RAB38: variants seen among roughly 807,000 people sequenced by gnomAD.
The protein encoded by RAB38 is RAB38, member RAS oncogene family.
In RAB38, 15 loss-of-function variants were observed where a neutral mutation model predicts 18.4. The ratio of observed to expected loss-of-function variants is 0.82; its 90% confidence interval spans 0.55 to 1.26. The LOEUF is 1.26. Among genes scored for constraint, RAB38 ranks in the 50% most tolerant of loss-of-function variants. The pLI is 0.00. For synonymous variants in RAB38, 101 were observed against 104.4 expected (o/e 0.97, Z 0.20); for missense variants, 294 against 267.4 (o/e 1.10, Z -0.69).
chr11:87,826,484 A>T, the RAB38 span, among the ~76,000 whole-genome samples: 3 of 152,108 alleles, frequency 2.0e-5, no homozygotes, highest in South Asian at 2.1e-4. Flanking sequence ...ATATTTTTTT[A>T]AAAAATAAAA....
At chr11:87,853,772 A>G in the RAB38 span, among the ~76,000 whole-genome samples, 1 of 152,200 alleles carries the variant, frequency 6.6e-6, no homozygotes, top group Admixed American at 6.5e-5. Context: ...AATCACCATA[A>G]ACTTAATAGT....
chr11:87,943,465 G>A, the RAB38 span, among the ~76,000 whole-genome samples: 1 of 151,998 alleles, frequency 6.6e-6, no homozygotes, highest in Non-Finnish European at 1.5e-5. Flanking sequence ...ATTCAACAAA[G>A]ATACATAGAG....
the RAB38 span, among the ~76,000 whole-genome samples, chr11:87,941,020 T>G: frequency 2.0e-5 from 3 of 151,706 alleles, no homozygotes; most frequent in South Asian, 6.3e-4. Flanking sequence ...AGTACCTGTT[T>G]TGCATGTACC....
chr11:87,834,615 G>A, the RAB38 span, among the ~76,000 whole-genome samples: 12 of 152,166 alleles, frequency 7.9e-5, no homozygotes, highest in African/African-American at 9.7e-5. Flanking sequence ...AATTTGGGGC[G>A]AAATTCAGTT....
At chr11:87,934,692 T>C in the RAB38 span, among the ~76,000 whole-genome samples, 1 of 152,070 alleles carries the variant, frequency 6.6e-6, no homozygotes, top group Non-Finnish European at 1.5e-5. Flanking sequence ...TATAAAAATC[T>C]TGCACTCATG....
the RAB38 span, among the ~76,000 whole-genome samples, chr11:87,847,290 A>G: frequency 1.3e-5 from 2 of 152,142 alleles, no homozygotes; most frequent in African/African-American, 4.8e-5. Flanking sequence ...AATCAACAGT[A>G]TCAGTAATGA....
chr11:87,875,790 C>T, the RAB38 span, among the ~76,000 whole-genome samples: 1 of 151,450 alleles, frequency 6.6e-6, no homozygotes, highest in Non-Finnish European at 1.5e-5. Context: ...TATAGTAGTA[C>T]AGTACAGTTG....
the RAB38 span, among the ~76,000 whole-genome samples, chr11:88,067,132 G>C: frequency 1.3e-5 from 2 of 152,144 alleles, no homozygotes; most frequent in Admixed American, 6.5e-5. Context: ...GCAGCCACTA[G>C]AGAAGAATAT....
the RAB38 span, among the ~76,000 whole-genome samples, chr11:87,861,350 T>C: frequency 1.3e-5 from 2 of 151,944 alleles, no homozygotes. Flanking sequence ...AAGCAGAGCT[T>C]TCAGTGGAAG....
chr11:87,845,264 T>C, the RAB38 span, among the ~76,000 whole-genome samples: 7 of 152,128 alleles, frequency 4.6e-5, no homozygotes, highest in Admixed American at 4.6e-4. Flanking sequence ...ACAGATGGAA[T>C]AGGTCTTTCA....
At chr11:88,104,646 G>A in the RAB38 span, among the ~76,000 whole-genome samples, 1 of 152,088 alleles carries the variant, frequency 6.6e-6, no homozygotes, top group Non-Finnish European at 1.5e-5. Flanking sequence ...TTGGCACAAA[G>A]TGGGCACTAA....
At chr11:87,873,922 G>GTATATATATATATATATGTATATATA in the RAB38 span, among the ~76,000 whole-genome samples, 1 of 103,122 alleles carries the variant, frequency 9.7e-6, no homozygotes, top group Non-Finnish European at 1.9e-5. Context: ...GTGTGTGTGT[G>GTATATATATATATATATGTATATATA]TATATATATA....
At chr11:88,127,650 TAC>T (rs1302049908) in intron 2 of RAB38, among the ~76,000 whole-genome samples, 4 of 152,180 alleles carry the variant, frequency 2.6e-5, no homozygotes, top group Non-Finnish European at 4.4e-5. Flanking sequence ...CAAAATGAAA[TAC>T]ATGTGTTTTC....
At chr11:87,852,753 A>G in the RAB38 span, among the ~76,000 whole-genome samples, 1 of 152,198 alleles carries the variant, frequency 6.6e-6, no homozygotes, top group Non-Finnish European at 1.5e-5. Flanking sequence ...GAGGGCTAAG[A>G]GAACTAGTAT....
chr11:88,151,911 G>C (rs943855755), intron 1 of RAB38, among the ~76,000 whole-genome samples: 59 of 152,250 alleles, frequency 3.9e-4, no homozygotes, highest in African/African-American at 1.4e-3. Flanking sequence ...GCCAGCACAT[G>C]ACAATCTTAC....
chr11:87,833,192 A>G, the RAB38 span, among the ~76,000 whole-genome samples: 1 of 152,162 alleles, frequency 6.6e-6, no homozygotes, highest in Admixed American at 6.6e-5. Context: ...CAAGTTCCTC[A>G]TTCTGACCAC....
the RAB38 span, among the ~76,000 whole-genome samples, chr11:87,888,956 A>G: frequency 6.6e-6 from 1 of 151,956 alleles, no homozygotes; most frequent in Non-Finnish European, 1.5e-5. Flanking sequence ...TAGACAAAAC[A>G]TTTAATACTG....
At chr11:88,013,826 A>T in the RAB38 span, among the ~76,000 whole-genome samples, 2 of 152,180 alleles carry the variant, frequency 1.3e-5, no homozygotes, top group African/African-American at 4.8e-5. Context: ...GCCATGCAAT[A>T]TAATTGATTG....
At chr11:88,113,177 G>T (rs1450078959), downstream of RAB38, 7 of 147,458 alleles carry the variant, frequency 4.7e-5, no homozygotes, top group African/African-American at 1.8e-4. Context: ...TGGATCTTGA[G>T]AACCCTGTTT....
Sources: allele counts gnomAD v4.1 joint callset (sites outside exome capture counted in the v4.1 genomes callset), GRCh38; gene constraint gnomAD v4.1.1; transcripts MANE v1.5; gene names NCBI Gene and HGNC (gene_info 2026-07-23, HGNC 2026-07-21).